KCND2: variants seen among roughly 807,000 people sequenced by gnomAD.
The protein encoded by KCND2 is A-type voltage-gated potassium channel KCND2.
Under a neutral mutation model 54.4 loss-of-function variants are expected in KCND2, and 16 were observed. That is an observed-to-expected ratio of 0.29 (90% CI 0.20 to 0.45). The LOEUF is 0.45. Among genes scored for constraint, KCND2 ranks in the 20% least tolerant of loss-of-function variants. KCND2 has a pLI of 1.00. For missense variants in KCND2, 486 were observed against 824.2 expected, an observed-to-expected ratio of 0.59 and a Z score of 5.02; for synonymous variants, 317 against 310.7, an observed-to-expected ratio of 1.02 and a Z score of -0.21.
intron 2 of KCND2, among the ~76,000 whole-genome samples, chr7:120,736,593 TGTGA>T (rs1218674742): frequency 2.6e-5 from 4 of 152,014 alleles, no homozygotes; most frequent in African/African-American, 9.7e-5. Context: ...CAGGCTAACC[TGTGA>T]GTAATTATCA....
intron 1 of KCND2, among the ~76,000 whole-genome samples, chr7:120,495,287 T>G (rs983862537): frequency 6.6e-6 from 1 of 152,170 alleles, no homozygotes; most frequent in South Asian, 2.1e-4. Flanking sequence ...ATTTCCTTTT[T>G]TAAAAGGTAT....
chr7:120,454,346 C>T (rs1024304086), intron 1 of KCND2, among the ~76,000 whole-genome samples: 3 of 152,014 alleles, frequency 2.0e-5, no homozygotes, highest in African/African-American at 7.2e-5. Flanking sequence ...GCCAAATAAA[C>T]ACAATTAGAA....
At chr7:120,370,342 C>T (rs998623921) in intron 1 of KCND2, among the ~76,000 whole-genome samples, 3 of 151,914 alleles carry the variant, frequency 2.0e-5, no homozygotes, top group Non-Finnish European at 4.4e-5. Flanking sequence ...GATGTTCTTA[C>T]ACTGAGATAA....
intron 1 of KCND2, among the ~76,000 whole-genome samples, chr7:120,728,997 C>T (rs1266361726): frequency 6.6e-6 from 1 of 152,148 alleles, no homozygotes; most frequent in Non-Finnish European, 1.5e-5. Context: ...CACGGTGTCA[C>T]TTCTCAATAT....
chr7:120,327,214 A>G (rs1185547827), intron 1 of KCND2, among the ~76,000 whole-genome samples: 1 of 152,060 alleles, frequency 6.6e-6, no homozygotes, highest in Non-Finnish European at 1.5e-5. Flanking sequence ...GAGTATAGTT[A>G]CCCATGGTGA....
At chr7:120,402,405 T>C (rs1315156798) in intron 1 of KCND2, among the ~76,000 whole-genome samples, 1 of 152,198 alleles carries the variant, frequency 6.6e-6, no homozygotes, top group African/African-American at 2.4e-5. Flanking sequence ...AAACATTTAT[T>C]TTCTGACCTA....
In KCND2 at chr7:120,549,269, G is replaced by A. The variant is rs551001362; in HGVS notation, c.1116-183634G>A. ...TGCCATTTTAAGGGGGACCTCTATC[G>A]TGTTATTGGATTTAATAAAACATTA... On this transcript the variant is annotated intron_variant, in intron 1 of 5. Coordinates refer to ENST00000331113, the MANE Select transcript of KCND2 (RefSeq NM_012281.3). 1.1e-4 allele frequency among the ~76,000 whole-genome samples: 17 copies of A among 152,240 alleles called. No homozygotes were observed. The South Asian group carries it at 1.9e-3, about 17-fold the overall frequency.
intron 1 of KCND2, among the ~76,000 whole-genome samples, chr7:120,282,641 G>T (rs1003307270): frequency 3.3e-5 from 5 of 152,138 alleles, no homozygotes; most frequent in South Asian, 2.1e-4. Context: ...TTGAGATAAT[G>T]TCAAATAGAA....
chr7:120,706,315 C>T (rs1792468032), intron 1 of KCND2, among the ~76,000 whole-genome samples: 2 of 152,126 alleles, frequency 1.3e-5, no homozygotes, highest in African/African-American at 4.8e-5. Flanking sequence ...TGTGCTGCTA[C>T]AACAGAATAT....
chr7:120,679,150 G>C (rs62469911), intron 1 of KCND2, among the ~76,000 whole-genome samples: 1 of 151,690 alleles, frequency 6.6e-6, no homozygotes, highest in Admixed American at 6.6e-5. Flanking sequence ...GTCCCATAAA[G>C]ATTCTTGAGA....
intron 1 of KCND2, among the ~76,000 whole-genome samples, chr7:120,555,604 A>G (rs1792154323): frequency 2.0e-5 from 3 of 152,234 alleles, no homozygotes; most frequent in African/African-American, 7.2e-5. Context: ...TATTTTATAT[A>G]ACTGTAGAGA....
At chr7:120,712,838 C>CTTAT (rs1016668606) in intron 1 of KCND2, among the ~76,000 whole-genome samples, 1 of 152,126 alleles carries the variant, frequency 6.6e-6, no homozygotes, top group Non-Finnish European at 1.5e-5. Flanking sequence ...TCTTGAAAGA[C>CTTAT]TTATTTTCAT....
chr7:120,736,381 G>C, intron 2 of KCND2, among the ~76,000 whole-genome samples: 1 of 148,218 alleles, frequency 6.7e-6, no homozygotes, highest in South Asian at 2.1e-4. Context: ...GGCCTAAACT[G>C]TGACACCTCT....
intron 1 of KCND2, among the ~76,000 whole-genome samples, chr7:120,669,479 C>T (rs1791965851): frequency 6.6e-6 from 1 of 151,756 alleles, no homozygotes; most frequent in Admixed American, 6.6e-5. Flanking sequence ...GACTTGGTGC[C>T]CTGGATATAT....
rs531500424 is a variant in KCND2 at position 120,629,403 on chromosome 7, G to A, written c.1116-103500G>A. Among the ~76,000 whole-genome samples the A allele has an allele frequency of 3.9e-5, 6 of 152,150 alleles. No individual in the cohort carries two copies. The South Asian group carries it at 1.0e-3, about 26-fold the overall frequency. On this transcript the variant is annotated intron_variant, in intron 1 of 5. Transcript: ENST00000331113. ...CAAGAGGCTGAGGCAGGAGAATGGC[G>A]TGAACCCGGGAGGCGGAGTTTGCAG... is the stretch of plus-strand genomic sequence containing the variant.
intron 1 of KCND2, among the ~76,000 whole-genome samples, chr7:120,445,360 A>G (rs12667391): frequency 0.067 from 10,138 of 152,254 alleles, 1,085 homozygotes; most frequent in East Asian, 0.52. Flanking sequence ...TAATGAATAC[A>G]TGGATTCTGT....
At chr7:120,308,939 A>G (rs1028618461) in intron 1 of KCND2, among the ~76,000 whole-genome samples, 9 of 152,228 alleles carry the variant, frequency 5.9e-5, no homozygotes, top group African/African-American at 2.2e-4. Context: ...ACAAACCTAC[A>G]AGGAAAAAGA....
intron 1 of KCND2, among the ~76,000 whole-genome samples, chr7:120,515,861 C>A (rs999861962): frequency 6.6e-6 from 1 of 151,982 alleles, no homozygotes; most frequent in Admixed American, 6.6e-5. Context: ...TGAGATAAAA[C>A]TAATCAAGAG....
intron 1 of KCND2, among the ~76,000 whole-genome samples, chr7:120,468,056 C>A (rs1040757141): frequency 5.3e-5 from 8 of 152,020 alleles, no homozygotes; most frequent in Non-Finnish European, 1.2e-4. Flanking sequence ...AAGGTAGGCT[C>A]TGGAAGCTTT....
Sources: gnomAD v4.1 joint callset for allele counts (sites outside exome capture counted in the v4.1 genomes callset) on GRCh38, gnomAD v4.1.1 for gene constraint, MANE v1.5 for transcripts, NCBI Gene and HGNC (gene_info 2026-07-23, HGNC 2026-07-21) for gene names.